SEPTIN6: variants seen among roughly 807,000 people sequenced by gnomAD.
SEPTIN6 encodes septin-6.
In SEPTIN6, 8 loss-of-function variants were observed where a neutral mutation model predicts 33.6. The ratio of observed to expected loss-of-function variants is 0.24; its 90% CI spans 0.14 to 0.43. The LOEUF (loss-of-function observed/expected upper bound fraction) is 0.43. Among genes scored for constraint, SEPTIN6 ranks in the 20% least tolerant of loss-of-function variants. The pLI is 1.00. For synonymous variants in SEPTIN6, 131 were observed against 140.0 expected (o/e 0.94, Z 0.45); for missense variants, 250 against 340.8 (o/e 0.73, Z 2.10).
intron 2 of SEPTIN6, among the ~76,000 whole-genome samples, chrX:119,665,465 CTAA>C (rs1212613105): frequency 8.9e-6 from 1 of 111,989 alleles, no homozygotes; most frequent in Non-Finnish European, 1.9e-5. Context: ...CTGCGAGATA[CTAA>C]TAAGTCAAAC....
chrX:119,675,064 A>C (rs1314150842), intron 2 of SEPTIN6, among the ~76,000 whole-genome samples: 2 of 110,371 alleles, frequency 1.8e-5, no homozygotes, highest in Non-Finnish European at 3.8e-5. Context: ...GTCTAGGCAG[A>C]GAGATAGGTA....
At chrX:119,650,157 T>C in intron 4 of SEPTIN6, 59 bp from the exon 5 acceptor site, 4 of 1,129,727 alleles carry the variant, frequency 3.5e-6, no homozygotes, top group Non-Finnish European at 3.6e-6. Flanking sequence ...GATAGCAGCA[T>C]GACCTAGGAC....
At chrX:119,679,804 G>A (rs1032255055) in intron 1 of SEPTIN6, among the ~76,000 whole-genome samples, 6 of 111,844 alleles carry the variant, frequency 5.4e-5, no homozygotes, top group Admixed American at 9.5e-5. Flanking sequence ...AGTTTGCAGT[G>A]AGCCGAGATT....
chrX:119,693,135 G>GT lies in SEPTIN6; in HGVS notation c.-31dup. The stretch of plus-strand genomic sequence containing the variant: ...CCTGCGTCCGCCAGGGCTGCCACGG[G>GT]TGCCGCCGCAACGGGAGCTACTGCA... On this transcript the variant is annotated 5_prime_UTR_variant, in exon 1 of 11. Coordinates refer to ENST00000394610, the MANE Select transcript of SEPTIN6 (RefSeq NM_145799.4). The GT allele has an allele frequency of 3.4e-6, 4 of 1,166,009 alleles. No homozygotes were observed. In the South Asian group the frequency reaches 7.6e-5, roughly 22 times the overall value.
At chrX:119,688,552 C>T (rs1173192171) in intron 1 of SEPTIN6, among the ~76,000 whole-genome samples, 4 of 109,570 alleles carry the variant, frequency 3.7e-5, no homozygotes, top group Admixed American at 2.9e-4. Context: ...ACTAAAAATA[C>T]AAAAATTAGC....
intron 1 of SEPTIN6, 41 bp downstream of exon 1, chrX:119,693,035 G>C: frequency 8.6e-7 from 1 of 1,160,100 alleles, no homozygotes; most frequent in African/African-American, 1.8e-5. Context: ...ACCCTCACCA[G>C]GCCCTCGGCC....
At chrX:119,643,361 G>A (rs1228750190) in intron 5 of SEPTIN6, among the ~76,000 whole-genome samples, 1 of 109,158 alleles carries the variant, frequency 9.2e-6, no homozygotes, top group Admixed American at 9.9e-5. Context: ...GGAGGAGGAA[G>A]GCATGTGAAT....
chrX:119,688,706 C>T (rs1393165434), intron 1 of SEPTIN6, among the ~76,000 whole-genome samples: 1 of 85,630 alleles, frequency 1.2e-5, no homozygotes, highest in Non-Finnish European at 2.0e-5. Context: ...GACTCCATCT[C>T]GGGGAAAAAA....
Position 119,649,974 on chromosome X carries a change from T to C in SEPTIN6, c.653A>G (p.Asp218Gly). The C allele has an allele frequency of 1.7e-6, 2 of 1,211,982 alleles. No individual in the cohort carries two copies. Among genetic ancestry groups the C allele is most frequent in the Non-Finnish European group, 2.2e-6 (2 of 895,283 alleles). Residue 218 changes from aspartate to glycine, a missense_variant, in exon 5 of 11, where the codon GAT becomes GGT. By Grantham distance (94) the Asp-to-Gly change is moderately conservative. This residue lies in a region of SEPTIN6 where 139 missense variants were observed against 227.0 expected (regional missense o/e 0.61). Coordinates refer to ENST00000394610, the MANE Select transcript of SEPTIN6 (RefSeq NM_145799.4). ...ATTGATCTCTGCCACCGACTCATCA[T>C]CTGTAGGAAACTGATAGATCTGGAC... ...NGVQIYQFPTDDESVAEINGT... is the reference protein window; with the variant it reads ...NGVQIYQFPTGDESVAEINGT...
At chrX:119,634,583 T>C (rs2054023791) in intron 7 of SEPTIN6, among the ~76,000 whole-genome samples, 1 of 111,061 alleles carries the variant, frequency 9.0e-6, no homozygotes, top group African/African-American at 3.3e-5. Flanking sequence ...GAATGCCATA[T>C]TTAAAAATTG....
Position 119,617,925 on chromosome X carries a change from C to A in SEPTIN6, c.*2168G>T, listed in dbSNP as rs1320279599. ...TTATTCAGAGCTTCTCAAGCCTTAA[C>A]TAGTTAATCTGTACACAAATGCAAA... is the stretch of plus-strand genomic sequence containing the variant. On this transcript the variant is annotated 3_prime_UTR_variant, in exon 11 of 11. Coordinates refer to ENST00000394610, the MANE Select transcript of SEPTIN6 (RefSeq NM_145799.4). 1.2e-6 allele frequency: 1 copy of A among 801,874 alleles called. No individual in the cohort carries two copies. The highest frequency in any genetic ancestry group is 1.5e-6 in the Non-Finnish European group (1 of 669,240). The allele number at this position is 801,874 out of a possible 1,213,427, so 66.1% of individuals were successfully genotyped here. A position where few individuals can be genotyped will look rare whatever the true frequency, so the allele number is the denominator to read the frequency against.
Position 119,618,392 on chromosome X carries a change from T to C in SEPTIN6, c.*1701A>G, listed in dbSNP as rs1603316631. ...AAGAAAAGTGCGTGCATATGTTTGC[T>C]TTTCATTTTTTTCTTTTTGCTTCCT... On this transcript the variant is annotated 3_prime_UTR_variant, in exon 11 of 11. Coordinates refer to ENST00000394610, the MANE Select transcript of SEPTIN6 (RefSeq NM_145799.4). 6.0e-6 allele frequency: 5 copies of C among 831,590 alleles called. No homozygotes were observed. In the East Asian group the frequency reaches 3.1e-4, roughly 52 times the overall value. 68.5% of individuals were successfully genotyped at this position (831,590 alleles called of 1,213,427 possible).
chrX:119,637,269 G>A, intron 6 of SEPTIN6, 74 bp from the exon 7 acceptor site: 2 of 963,531 alleles, frequency 2.1e-6, no homozygotes, highest in Non-Finnish European at 2.9e-6. Flanking sequence ...GATGAAACGA[G>A]AGGCAAAATG....
intron 3 of SEPTIN6, among the ~76,000 whole-genome samples, chrX:119,655,361 C>T (rs190295338): frequency 8.2e-5 from 9 of 110,201 alleles, no homozygotes; most frequent in Non-Finnish European, 1.3e-4. Flanking sequence ...CCTCCACCCC[C>T]AGGCCCCAGT....
intron 1 of SEPTIN6, 38 bp from the exon 2 acceptor site, chrX:119,675,706 C>A: frequency 1.2e-6 from 1 of 843,415 alleles, no homozygotes; most frequent in Non-Finnish European, 1.6e-6. Context: ...TGAAAATGTG[C>A]TTAAAAGCAG....
At chrX:119,642,892 C>A (rs925606559) in intron 5 of SEPTIN6, among the ~76,000 whole-genome samples, 1 of 110,870 alleles carries the variant, frequency 9.0e-6, no homozygotes, top group Non-Finnish European at 1.9e-5. Context: ...CCCTCCGACC[C>A]CTCCCCACTC....
intron 1 of SEPTIN6, among the ~76,000 whole-genome samples, chrX:119,677,387 C>T (rs1279025580): frequency 1.8e-5 from 2 of 112,236 alleles, no homozygotes; most frequent in East Asian, 2.8e-4. Context: ...TACCAACCAA[C>T]GGCCACAGGG....
At chrX:119,639,970 A>ATT (rs10643733) in intron 6 of SEPTIN6, among the ~76,000 whole-genome samples, 21,742 of 96,837 alleles carry the variant, frequency 0.22, 2,002 homozygotes, top group African/African-American at 0.26. Flanking sequence ...TACCTGACTA[A>ATT]TTTTTTTTTT....
At chrX:119,664,591 G>A (rs1402613390) in intron 2 of SEPTIN6, among the ~76,000 whole-genome samples, 2 of 109,846 alleles carry the variant, frequency 1.8e-5, no homozygotes, top group African/African-American at 6.6e-5. Context: ...ACTTTGGGAG[G>A]CTGAAGCAGG....
Sources: allele counts gnomAD v4.1 joint callset (sites outside exome capture counted in the v4.1 genomes callset), GRCh38; gene constraint gnomAD v4.1.1; regional missense constraint gnomAD v4.1.1; transcripts MANE v1.5; gene names NCBI Gene and HGNC (gene_info 2026-07-23, HGNC 2026-07-21).